EXOC4: variants seen among roughly 807,000 people sequenced by gnomAD.
EXOC4 encodes the protein SEC8-like 1.
Under a neutral mutation model 107.2 loss-of-function variants are expected in EXOC4, and 71 were observed. The ratio of observed to expected loss-of-function variants is 0.66; its 90% CI spans 0.55 to 0.81. The LOEUF is 0.81. Among genes scored for constraint, EXOC4 ranks in the 30% least tolerant of loss-of-function variants. The pLI is 0.00. For synonymous variants in EXOC4, 456 were observed against 441.2 expected, an observed-to-expected ratio of 1.03 and a Z score of -0.42; for missense variants, 1,108 against 1,189.6, an observed-to-expected ratio of 0.93 and a Z score of 1.01.
At chr7:133,956,288 A>G (rs979003771) in intron 14 of EXOC4, among the ~76,000 whole-genome samples, 2 of 152,204 alleles carry the variant, frequency 1.3e-5, no homozygotes, top group African/African-American at 4.8e-5. Flanking sequence ...ATAAAACTTA[A>G]AGTAAGTGTT....
At chr7:133,310,247 C>A (rs1013417570) in intron 4 of EXOC4, among the ~76,000 whole-genome samples, 1 of 152,098 alleles carries the variant, frequency 6.6e-6, no homozygotes. Flanking sequence ...GGGATATGTT[C>A]CAAGACCCAC....
At chr7:133,721,213 A>G (rs1003104262) in intron 10 of EXOC4, among the ~76,000 whole-genome samples, 1 of 152,158 alleles carries the variant, frequency 6.6e-6, no homozygotes, top group Non-Finnish European at 1.5e-5. Flanking sequence ...TTGCACATTT[A>G]TCAGCAATGG....
intron 7 of EXOC4, among the ~76,000 whole-genome samples, chr7:133,390,749 T>C (rs1796834363): frequency 6.6e-6 from 1 of 152,216 alleles, no homozygotes; most frequent in Admixed American, 6.5e-5. Flanking sequence ...TTATATGTAA[T>C]CATTTCAAAA....
Position 133,522,201 on chromosome 7 carries a change from C to T in EXOC4, c.1417+42063C>T, listed in dbSNP as rs113051217. On this transcript the variant is annotated intron_variant, in intron 9 of 17. Coordinates refer to ENST00000253861, the MANE Select transcript of EXOC4 (RefSeq NM_021807.4). ...AACTACAGTTGTGGACCTTCATTAT[C>T]TTTCTGAGTGTTGTGCCTTAATGTG... Among the ~76,000 whole-genome samples, 278 of 152,228 alleles carry T rather than the reference C, an allele frequency of 1.8e-3. 1 individual carries two copies. Among genetic ancestry groups the T allele is most frequent in the African/African-American group, 6.2e-3 (259 of 41,542 alleles).
chr7:134,061,659 G>A (rs528270472), intron 17 of EXOC4, among the ~76,000 whole-genome samples: 68 of 152,154 alleles, frequency 4.5e-4, no homozygotes, highest in African/African-American at 1.5e-3. Context: ...AGCTCTTCTT[G>A]GGCAATTTTA....
chr7:133,577,031 C>A (rs1801147232), intron 9 of EXOC4, among the ~76,000 whole-genome samples: 1 of 152,084 alleles, frequency 6.6e-6, no homozygotes, highest in African/African-American at 2.4e-5. Context: ...AGAAGATGCT[C>A]ACATACTTGT....
chr7:133,757,829 T>C (rs1795950668), intron 10 of EXOC4, among the ~76,000 whole-genome samples: 1 of 152,226 alleles, frequency 6.6e-6, no homozygotes, highest in Non-Finnish European at 1.5e-5. Flanking sequence ...ATAGTTACCT[T>C]ACTATTATTA....
At chr7:133,905,755 C>A (rs951764994) in intron 12 of EXOC4, among the ~76,000 whole-genome samples, 1 of 152,050 alleles carries the variant, frequency 6.6e-6, no homozygotes, top group Non-Finnish European at 1.5e-5. Context: ...TGATTTAAGA[C>A]ATAAGCATGT....
intron 13 of EXOC4, among the ~76,000 whole-genome samples, chr7:133,921,063 A>T (rs986523564): frequency 1.3e-5 from 2 of 152,188 alleles, no homozygotes; most frequent in Admixed American, 6.5e-5. Context: ...AACATCCACC[A>T]TCCACCATTT....
intron 14 of EXOC4, among the ~76,000 whole-genome samples, chr7:133,958,776 A>G (rs916590568): frequency 6.6e-6 from 1 of 152,214 alleles, no homozygotes; most frequent in South Asian, 2.1e-4. Flanking sequence ...CACTGCTTCT[A>G]TCAGAATTGC....
intron 2 of EXOC4, among the ~76,000 whole-genome samples, chr7:133,276,369 A>C (rs1793991517): frequency 1.3e-5 from 2 of 152,206 alleles, no homozygotes; most frequent in Non-Finnish European, 1.5e-5. Context: ...AATACCATTT[A>C]GTACTACTCT....
intron 10 of EXOC4, among the ~76,000 whole-genome samples, chr7:133,664,479 AAC>A (rs1793767954): frequency 6.6e-6 from 1 of 152,190 alleles, no homozygotes; most frequent in African/African-American, 2.4e-5. Context: ...GTCTCAAGAC[AAC>A]AGTTTTCCAC....
At chr7:133,644,023 G>A (rs1802928153) in intron 10 of EXOC4, among the ~76,000 whole-genome samples, 1 of 152,156 alleles carries the variant, frequency 6.6e-6, no homozygotes, top group Admixed American at 6.5e-5. Context: ...CTTCCTCAAG[G>A]GGACCCGGCC....
At chr7:134,091,967 G>A in the EXOC4 span, among the ~76,000 whole-genome samples, 1 of 151,938 alleles carries the variant, frequency 6.6e-6, no homozygotes, top group African/African-American at 2.4e-5. Flanking sequence ...TTTAGACTTG[G>A]GTCCCATCCC....
chr7:134,011,720 A>T (rs1435800035), intron 17 of EXOC4, among the ~76,000 whole-genome samples: 1 of 152,020 alleles, frequency 6.6e-6, no homozygotes, highest in African/African-American at 2.4e-5. Flanking sequence ...CTGTGGGGCA[A>T]GATGCAAAGT....
chr7:133,682,260 C>G (rs1794203410), intron 10 of EXOC4, among the ~76,000 whole-genome samples: 1 of 152,108 alleles, frequency 6.6e-6, no homozygotes, highest in African/African-American at 2.4e-5. Context: ...TTATCATTTA[C>G]CAAAGTTGTA....
chr7:133,690,808 C>T (rs993510352), intron 10 of EXOC4, among the ~76,000 whole-genome samples: 1 of 152,060 alleles, frequency 6.6e-6, no homozygotes, highest in African/African-American at 2.4e-5. Context: ...GCGGATTGGG[C>T]TTCAAGGGGT....
intron 10 of EXOC4, among the ~76,000 whole-genome samples, chr7:133,661,672 T>TAAAAAAAAAAAA (rs1177627198): frequency 7.4e-5 from 1 of 13,452 alleles, no homozygotes; most frequent in African/African-American, 2.7e-4. Context: ...TCCTTAAAAC[T>TAAAAAAAAAAAA]AAAAAAAAAA....
intron 17 of EXOC4, among the ~76,000 whole-genome samples, chr7:134,016,241 C>T (rs759454341): frequency 4.3e-4 from 66 of 151,970 alleles, no homozygotes; most frequent in Non-Finnish European, 8.2e-4. Flanking sequence ...AGGGAAAGGC[C>T]GGGAGTGAAC....
Sources: allele counts gnomAD v4.1 joint callset (sites outside exome capture counted in the v4.1 genomes callset), GRCh38; gene constraint gnomAD v4.1.1; transcripts MANE v1.5; gene names NCBI Gene and HGNC (gene_info 2026-07-23, HGNC 2026-07-21).